Variants in KIF21B observed in about 807,000 individuals in gnomAD.
The protein encoded by KIF21B is kinesin-like protein KIF21B.
KIF21B carries 85 observed loss-of-function variants against 192.9 expected under a neutral mutation model. The observed-to-expected ratio is 0.44, with a 90% confidence interval of 0.37 to 0.53. The LOEUF (loss-of-function observed/expected upper bound fraction) is 0.53, where lower values mean the gene tolerates loss of function less well. Among genes scored for constraint, KIF21B ranks in the 20% least tolerant of loss-of-function variants. The pLI, the probability that KIF21B is intolerant of heterozygous loss-of-function variation, is 0.00. For synonymous variants in KIF21B, 832 were observed against 884.6 expected (o/e 0.94, Z 1.05); for missense variants, 1,716 against 2,194.8 (o/e 0.78, Z 4.36).
At chr1:200,992,864 A>C (rs1048746412) in intron 15 of KIF21B, among the ~76,000 whole-genome samples, 2 of 152,222 alleles carry the variant, frequency 1.3e-5, no homozygotes, top group Non-Finnish European at 2.9e-5. Flanking sequence ...TTATTTACTG[A>C]GACCCAGCTG....
intron 29 of KIF21B, 117 bp from the exon 30 acceptor site, chr1:200,979,832 G>T: frequency 1.3e-6 from 1 of 773,250 alleles, no homozygotes. Flanking sequence ...GGGCTCCAGA[G>T]GACGGAGCTC....
In KIF21B at chr1:200,990,966, A is replaced by G; in HGVS notation, c.2638T>C (p.Phe880Leu). 1 of 1,614,122 alleles carries G rather than the reference A, an allele frequency of 6.2e-7. No homozygotes were observed. The highest frequency in any genetic ancestry group is 8.5e-7 in the Non-Finnish European group (1 of 1,180,032). Residue 880 changes from phenylalanine (F) to leucine (L), a missense_variant, in exon 18 of 35, where the codon TTC (phenylalanine) becomes CTC (leucine). Around this residue, in one of 3 missense-constraint regions of KIF21B, gnomAD observed 1,087 missense variants for 1,316.6 expected, o/e 0.83. Coordinates refer to ENST00000461742, the MANE Select transcript of KIF21B (RefSeq NM_001252102.2). The surrounding 1 kb of genome is among the most constrained non-coding windows in gnomAD (Gnocchi z 5.4). Reference protein sequence around the residue: ...VRQWNRKINHFLGDHPAPTVN... With the variant: ...VRQWNRKINHLLGDHPAPTVN... ...GTGGGCGCAGGATGGTCCCCCAAGAAGTGGTTGATTTTGCGGTTCCACTGG... is the reference window on the plus strand; with the variant it reads ...GTGGGCGCAGGATGGTCCCCCAAGAGGTGGTTGATTTTGCGGTTCCACTGG...
Position 200,976,860 on chromosome 1 carries a change from G to T in KIF21B, c.4359C>A (p.Ile1453=). The change falls in exon 32 of 35, where the codon ATC becomes ATA. Residue 1453 remains isoleucine (I), a synonymous_variant. Transcript: ENST00000461742. ...TGACCGTCAGGCACATCACAGGGCC[G>T]ATGTGGCCAGTCAGCTTGCCGACAG... is the stretch of plus-strand genomic sequence containing the variant. ...FQPVGKLTGH[I]GPVMCLTVTQ... 1 of 1,612,512 alleles carries T rather than the reference G, an allele frequency of 6.2e-7. No homozygotes were observed. Among genetic ancestry groups the T allele is most frequent in the Non-Finnish European group, 8.5e-7 (1 of 1,178,850 alleles).
At chr1:200,973,606 G>A (rs550606576) in intron 34 of KIF21B, 28 bp from the exon 35 acceptor site, 3 of 1,524,396 alleles carry the variant, frequency 2.0e-6, no homozygotes, top group Non-Finnish European at 2.6e-6. Flanking sequence ...GTGGAGGGGT[G>A]CCGGTCAGCT....
At position 200,998,128 on chromosome 1, in the gene KIF21B, G is replaced by A. The variant is rs1337440661; in HGVS notation, c.2077+256C>T. Reference sequence around the variant, plus strand: ...AGGAAAGGCTGGGAGTGTCATGTTCGCGTGCCTAGGTATATAAAGAATTCT... The same window carrying A: ...AGGAAAGGCTGGGAGTGTCATGTTCACGTGCCTAGGTATATAAAGAATTCT... On this transcript the variant is annotated intron_variant, in intron 14 of 34. Transcript: ENST00000461742. This position sits in a 1 kb window ranked among gnomAD's most constrained non-coding sequence, Gnocchi z 4.3. Among the ~76,000 whole-genome samples the A allele has an allele frequency of 6.6e-6, 1 of 152,176 alleles. No individual in the cohort carries two copies. The highest frequency in any genetic ancestry group is 1.5e-5 in the Non-Finnish European group (1 of 68,034).
chr1:200,977,548 G>A lies in KIF21B; in HGVS notation c.4161-172C>T, dbSNP rs567335941. 4.6e-5 allele frequency among the ~76,000 whole-genome samples: 7 copies of A among 152,268 alleles called. No homozygotes were observed. The East Asian group carries it at 1.4e-3, about 29-fold the overall frequency. The stretch of plus-strand genomic sequence containing the variant: ...TCCCATAAGTGAGACCCAGGGGAGA[G>A]CTCCACTCTAGTCCCCTATGAGTCA... On this transcript the variant is annotated intron_variant, in intron 30 of 34. Transcript: ENST00000461742.
intron 15 of KIF21B, among the ~76,000 whole-genome samples, chr1:200,994,160 A>C (rs1039361446): frequency 1.3e-5 from 2 of 152,234 alleles, no homozygotes; most frequent in African/African-American, 4.8e-5. Context: ...CCACAGAGGC[A>C]AAGGTCTCAG....
Position 201,009,307 on chromosome 1 carries a change from A to C in KIF21B, c.223T>G (p.Cys75Gly), listed in dbSNP as rs1239756217. The C allele has an allele frequency of 6.2e-7, 1 of 1,614,282 alleles. No individual in the cohort carries two copies. The highest frequency in any genetic ancestry group is 8.5e-7 in the Non-Finnish European group (1 of 1,180,052). ...STCVSKLIEG[C>G]FEGYNATVLA... ...ACCGTGGCATTATAGCCCTCGAAGC[A>C]GCCCTCGATGAGCTTGCTCACACAG... Residue 75 changes from cysteine (C) to glycine (G), a missense_variant, in exon 2 of 35, where the codon TGC becomes GGC. Cys to Gly is a radical substitution (Grantham distance 159, BLOSUM62 -3). Coordinates refer to ENST00000461742, the MANE Select transcript of KIF21B (RefSeq NM_001252102.2).
chr1:200,977,502 ACAGAGAAGAG>A (rs754059418), intron 30 of KIF21B, 126 bp from the exon 31 acceptor site: 23 of 1,176,566 alleles, frequency 2.0e-5, no homozygotes, highest in Non-Finnish European at 2.7e-5. Flanking sequence ...TCCTTGACTG[ACAGAGAAGAG>A]CAATAGCTTC....
intron 8 of KIF21B, 97 bp downstream of exon 8, chr1:201,003,489 G>A: frequency 1.7e-6 from 2 of 1,210,780 alleles, no homozygotes; most frequent in Non-Finnish European, 2.4e-6. Context: ...AGGTGGGAGG[G>A]ATGCTGAGGA....
In KIF21B at chr1:200,999,276, G is replaced by T. The variant is rs983994809; in HGVS notation, c.1885+73C>A. On this transcript the variant is annotated intron_variant, in intron 13 of 34. Coordinates refer to ENST00000461742, the MANE Select transcript of KIF21B (RefSeq NM_001252102.2). The surrounding 1 kb of genome is among the most constrained non-coding windows in gnomAD (Gnocchi z 4.7). ...CCTGGACACCATTATCTTTGAGCAG[G>T]GCCCGACCCCACACTTGGGCACTGG... The T allele has an allele frequency of 1.3e-5, 21 of 1,582,536 alleles. No homozygotes were observed. Among genetic ancestry groups the T allele is most frequent in the Non-Finnish European group, 1.6e-5 (19 of 1,153,132 alleles).
rs1655317083 is a variant in KIF21B, at chr1:200,973,277, C to CTT, written c.*243_*244insAA. 1 of 458,378 alleles carries CTT rather than the reference C, an allele frequency of 2.2e-6. No homozygotes were observed. The highest frequency in any genetic ancestry group is 2.0e-5 in the African/African-American group (1 of 48,940). The allele number at this position is 458,378 out of a possible 1,614,324, so 28.4% of individuals were successfully genotyped here. A position where few individuals can be genotyped will look rare whatever the true frequency, so the allele number is the denominator to read the frequency against. The stretch of plus-strand genomic sequence containing the variant: ...GGAGGGGAACAAGAAGGGATAATGC[C>CTT]CTTTGGCTTCACAGCTTAATTTCCT... On this transcript the variant is annotated 3_prime_UTR_variant, in exon 35 of 35. Coordinates refer to ENST00000461742, the MANE Select transcript of KIF21B (RefSeq NM_001252102.2).
chr1:200,986,755 G>C lies in KIF21B; in HGVS notation c.3689+89C>G, dbSNP rs1041267972. ...GCCCAGGTTACACTGTGTACAAGAT[G>C]ATCAACAGAGCAGAACATCATAGCC... On this transcript the variant is annotated intron_variant, in intron 26 of 34. Coordinates refer to ENST00000461742, the MANE Select transcript of KIF21B (RefSeq NM_001252102.2). 1.3e-5 allele frequency: 15 copies of C among 1,169,030 alleles called. No homozygotes were observed. In the Admixed American group the frequency reaches 3.0e-4, roughly 23 times the overall value. The allele number at this position is 1,169,030 out of a possible 1,614,324, so 72.4% of individuals were successfully genotyped here. A position where few individuals can be genotyped will look rare whatever the true frequency, so the allele number is the denominator to read the frequency against.
intron 14 of KIF21B, among the ~76,000 whole-genome samples, chr1:200,997,798 G>T (rs1657171746): frequency 1.3e-5 from 2 of 152,110 alleles, no homozygotes; most frequent in Non-Finnish European, 2.9e-5. Flanking sequence ...AGTAGTTCCT[G>T]TTCCCCTTCC....
chr1:200,993,647 G>A (rs1656854341), intron 15 of KIF21B, among the ~76,000 whole-genome samples: 1 of 152,062 alleles, frequency 6.6e-6, no homozygotes, highest in South Asian at 2.1e-4. Flanking sequence ...CTACTCAGGA[G>A]GCTGAGGTAG....
intron 15 of KIF21B, among the ~76,000 whole-genome samples, chr1:200,995,450 A>G (rs10800750): frequency 0.59 from 89,236 of 152,130 alleles, 28,021 homozygotes; most frequent in African/African-American, 0.82. Context: ...TGAGCCCCAG[A>G]CAGGAGCCAG....
At chr1:200,976,753 C>A (rs1337234838) in intron 32 of KIF21B, 23 bp downstream of exon 32, 2 of 1,514,020 alleles carry the variant, frequency 1.3e-6, no homozygotes, top group African/African-American at 1.4e-5. Context: ...CCAGCCCCGA[C>A]CCAGGCCTCA....
chr1:200,995,277 A>G (rs1202531338), intron 15 of KIF21B, among the ~76,000 whole-genome samples: 1 of 152,150 alleles, frequency 6.6e-6, no homozygotes, highest in East Asian at 1.9e-4. Flanking sequence ...TCTGTCCCCA[A>G]GGCCAGCCCT....
At chr1:201,018,154 C>G (rs887657181) in intron 1 of KIF21B, among the ~76,000 whole-genome samples, 1 of 152,192 alleles carries the variant, frequency 6.6e-6, no homozygotes, top group African/African-American at 2.4e-5. Context: ...AAATGAAAGG[C>G]TAGGAGACCT....
Sources: gnomAD v4.1 joint callset for allele counts (sites outside exome capture counted in the v4.1 genomes callset) on GRCh38, gnomAD v4.1.1 for gene constraint, gnomAD v4.1.1 regional missense constraint, Gnocchi (gnomAD v3.1) non-coding constraint, MANE v1.5 for transcripts, NCBI Gene and HGNC (gene_info 2026-07-23, HGNC 2026-07-21) for gene names.